Variants in SORCS3 observed in about 807,000 individuals in gnomAD.
The protein encoded by SORCS3 is VPS10 domain-containing receptor SorCS3.
Under a neutral mutation model 146.3 loss-of-function variants are expected in SORCS3, and 57 were observed. That is an observed-to-expected ratio of 0.39 (90% CI 0.31 to 0.49). The LOEUF (loss-of-function observed/expected upper bound fraction) is 0.49, where lower values mean the gene tolerates loss of function less well. Among genes scored for constraint, SORCS3 ranks in the 20% least tolerant of loss-of-function variants. The probability of loss-of-function intolerance (pLI) is 0.92; values close to 1 mark genes in which losing one functional copy is unlikely to be tolerated. For missense variants in SORCS3, 1,341 were observed against 1,575.5 expected (o/e 0.85, Z 2.52); for synonymous variants, 653 against 618.5 (o/e 1.06, Z -0.83).
chr10:105,233,608 G>A lies in SORCS3; in HGVS notation c.2868+10359G>A, dbSNP rs910648791. Among the ~76,000 whole-genome samples the A allele has an allele frequency of 2.0e-5, 3 of 151,930 alleles. No individual in the cohort carries two copies. The South Asian group carries it at 6.2e-4, about 32-fold the overall frequency. On this transcript the variant is annotated intron_variant, in intron 20 of 26. Coordinates refer to ENST00000369701, the MANE Select transcript of SORCS3 (RefSeq NM_014978.3). Reference sequence around the variant, plus strand: ...TGGTGTGTGATGTTCCCCTCCCTATGTCCATGTGTTCTCATTGTTCAACTC... The same window carrying A: ...TGGTGTGTGATGTTCCCCTCCCTATATCCATGTGTTCTCATTGTTCAACTC...
intron 4 of SORCS3, among the ~76,000 whole-genome samples, chr10:105,004,000 C>T (rs940746): frequency 0.52 from 71,026 of 137,426 alleles, 20,996 homozygotes; most frequent in African/African-American, 0.81. Context: ...TCTTCTCTCT[C>T]TTTTTTTTTT....
In SORCS3 at chr10:105,202,744, G is replaced by A. The variant is rs1193363299; in HGVS notation, c.2261+1491G>A. 2.0e-5 allele frequency among the ~76,000 whole-genome samples: 3 copies of A among 152,210 alleles called. No homozygotes were observed. In the East Asian group the frequency reaches 5.8e-4, roughly 29 times the overall value. On this transcript the variant is annotated intron_variant, in intron 16 of 26. Coordinates refer to ENST00000369701, the MANE Select transcript of SORCS3 (RefSeq NM_014978.3). ...TGTTTCTGAACATTGTTCCTTTTAG[G>A]AGGGTCAAAAATCTCCCCAATTCTG...
At chr10:104,890,345 C>T (rs986491925) in intron 2 of SORCS3, among the ~76,000 whole-genome samples, 7 of 151,918 alleles carry the variant, frequency 4.6e-5, no homozygotes, top group African/African-American at 1.7e-4. Flanking sequence ...ATTTTTTCCT[C>T]AGTTTTTTTT....
intron 3 of SORCS3, among the ~76,000 whole-genome samples, chr10:104,964,779 G>C (rs914365851): frequency 6.6e-6 from 1 of 152,066 alleles, no homozygotes; most frequent in South Asian, 2.1e-4. Context: ...CAGTTTAGTA[G>C]TGTTAAGTAC....
intron 3 of SORCS3, among the ~76,000 whole-genome samples, chr10:104,944,303 G>A (rs567328168): frequency 5.9e-5 from 9 of 152,166 alleles, no homozygotes; most frequent in African/African-American, 2.2e-4. Flanking sequence ...ACTTCTGTAT[G>A]GGCAAAGATT....
rs545140730 is a variant in SORCS3, at chr10:105,193,366, G to A, written c.2010-6633G>A. Among the ~76,000 whole-genome samples, 13 of 152,282 alleles carry A rather than the reference G, an allele frequency of 8.5e-5. No individual in the cohort carries two copies. The South Asian group carries it at 2.7e-3, about 32-fold the overall frequency. ...CTATTACCTCAATTTTGGAAGAAGT[G>A]AATGATTTTGTTAGATTAATTCTAT... On this transcript the variant is annotated intron_variant, in intron 14 of 26. Transcript: ENST00000369701.
In SORCS3 at chr10:105,037,453, C is replaced by CT. The variant is rs145503537; in HGVS notation, c.955-5601dup. Among the ~76,000 whole-genome samples, 21 of 152,260 alleles carry CT rather than the reference C, an allele frequency of 1.4e-4. No homozygotes were observed. The East Asian group carries it at 4.1e-3, about 29-fold the overall frequency. ...TGTTGGCAGGTGGGGGCTATGCTCC[C>CT]TGTGAAGCATTTAGGGGAAACCTTC... On this transcript the variant is annotated intron_variant, in intron 4 of 26. Transcript: ENST00000369701.
intron 3 of SORCS3, among the ~76,000 whole-genome samples, chr10:104,960,049 C>G (rs1246177385): frequency 6.6e-6 from 1 of 152,138 alleles, no homozygotes; most frequent in African/African-American, 2.4e-5. Context: ...TTGATCACAT[C>G]TAGCATTTAG....
intron 1 of SORCS3, chr10:104,664,968 G>A (rs1226814199): frequency 6.5e-6 from 1 of 152,776 alleles, no homozygotes; most frequent in African/African-American, 2.4e-5. Context: ...TCCTGGTCAA[G>A]GAGACAGCAT....
intron 1 of SORCS3, among the ~76,000 whole-genome samples, chr10:104,793,257 T>C (rs2133501569): frequency 6.6e-6 from 1 of 152,340 alleles, no homozygotes; most frequent in Middle Eastern, 3.4e-3. Flanking sequence ...TTCTTCCTTT[T>C]GCCCAAGGTC....
intron 7 of SORCS3, among the ~76,000 whole-genome samples, chr10:105,116,952 G>A (rs976781274): frequency 1.3e-5 from 2 of 151,980 alleles, no homozygotes; most frequent in Admixed American, 1.3e-4. Context: ...TATTACCTGG[G>A]TGACAAAATA....
At chr10:104,759,436 C>A (rs1287967458) in intron 1 of SORCS3, among the ~76,000 whole-genome samples, 2 of 152,180 alleles carry the variant, frequency 1.3e-5, no homozygotes, top group Non-Finnish European at 2.9e-5. Context: ...GCCAAATAAT[C>A]CCCTGGGGAG....
intron 16 of SORCS3, among the ~76,000 whole-genome samples, chr10:105,207,897 G>C (rs568644434): frequency 9.9e-5 from 15 of 152,242 alleles, no homozygotes; most frequent in Admixed American, 3.3e-4. Context: ...AATTGCTTGA[G>C]AGAGAGCACC....
chr10:104,927,877 GA>G (rs373654229), intron 3 of SORCS3, among the ~76,000 whole-genome samples: 107 of 141,344 alleles, frequency 7.6e-4, no homozygotes, highest in African/African-American at 1.6e-3. Context: ...GACTCCGTCT[GA>G]AAAAAAAAAA....
chr10:105,250,531 G>A lies in SORCS3; in HGVS notation c.3106-2244G>A, dbSNP rs2056892539. On this transcript the variant is annotated intron_variant, in intron 22 of 26. Coordinates refer to ENST00000369701, the MANE Select transcript of SORCS3 (RefSeq NM_014978.3). ...TACACTGCTCCAAGGTCTCTGTAAG[G>A]GCCTTGGTGGACTGACACTCCCTGA... is the stretch of plus-strand genomic sequence containing the variant. 1.3e-5 allele frequency among the ~76,000 whole-genome samples: 2 copies of A among 152,014 alleles called. 1 individual carries two copies. The highest frequency in any genetic ancestry group is 4.2e-4 in the South Asian group (2 of 4,812).
intron 1 of SORCS3, among the ~76,000 whole-genome samples, chr10:104,701,997 G>A (rs1430459109): frequency 4.6e-5 from 7 of 152,180 alleles, no homozygotes; most frequent in African/African-American, 1.7e-4. Flanking sequence ...GCCACCGGGT[G>A]AGCTACTGGA....
chr10:104,942,552 A>G (rs989000935), intron 3 of SORCS3, among the ~76,000 whole-genome samples: 5 of 152,240 alleles, frequency 3.3e-5, no homozygotes, highest in Admixed American at 3.3e-4. Context: ...TCCCTAAGAC[A>G]TTAGCTAATT....
At chr10:104,912,712 G>T (rs946688888) in intron 2 of SORCS3, among the ~76,000 whole-genome samples, 5 of 152,156 alleles carry the variant, frequency 3.3e-5, no homozygotes, top group African/African-American at 1.2e-4. Flanking sequence ...ACCAGGCATG[G>T]TGCAAGACAC....
At chr10:105,186,222 A>G (rs2056475330) in intron 14 of SORCS3, among the ~76,000 whole-genome samples, 1 of 152,210 alleles carries the variant, frequency 6.6e-6, no homozygotes, top group Non-Finnish European at 1.5e-5. Context: ...ATGCAATAAT[A>G]ATTCTTGTAC....
Sources: allele counts gnomAD v4.1 joint callset (sites outside exome capture counted in the v4.1 genomes callset), GRCh38; gene constraint gnomAD v4.1.1; transcripts MANE v1.5; gene names NCBI Gene and HGNC (gene_info 2026-07-23, HGNC 2026-07-21).